Variants in AREL1 observed in about 807,000 individuals in gnomAD.
AREL1 encodes the protein apoptosis-resistant E3 ubiquitin protein ligase 1.
In AREL1, 62 loss-of-function variants were observed where a neutral mutation model predicts 99.0. The ratio of observed to expected loss-of-function variants is 0.63; its 90% CI spans 0.51 to 0.77. The LOEUF is 0.77. Among genes scored for constraint, AREL1 ranks in the 30% least tolerant of loss-of-function variants. AREL1 has a pLI of 0.00. For synonymous variants in AREL1, 380 were observed against 376.5 expected, an observed-to-expected ratio of 1.01 and a Z score of -0.11; for missense variants, 879 against 1,027.6, an observed-to-expected ratio of 0.86 and a Z score of 1.98.
At chr14:74,664,809 C>T in intron 18 of AREL1, 27 bp downstream of exon 18, 1 of 1,601,164 alleles carries the variant, frequency 6.2e-7, no homozygotes, top group Non-Finnish European at 8.5e-7. Context: ...GGCACAAATC[C>T]AACTGAAAGA....
chr14:74,670,377 T>C (rs1347431546), intron 13 of AREL1, among the ~76,000 whole-genome samples: 2 of 152,238 alleles, frequency 1.3e-5, no homozygotes, highest in African/African-American at 2.4e-5. Flanking sequence ...TGTGATGCCT[T>C]TTCCCTAAAC....
In AREL1 at chr14:74,683,348, C is replaced by T; in HGVS notation, c.429G>A (p.Lys143=). Residue 143 remains lysine, a synonymous_variant, in exon 5 of 20, where the codon AAG becomes AAA. Transcript: ENST00000356357. Reference sequence around the variant, plus strand: ...TATATGCCACATTTAATCCACCAAGCTTCACTGTGATTTCATAACGCCCAG... The same window carrying T: ...TATATGCCACATTTAATCCACCAAGTTTCACTGTGATTTCATAACGCCCAG... ...RKAGRYEITV[K]LGGLNVAYSP... The T allele has an allele frequency of 6.2e-7, 1 of 1,614,140 alleles. No homozygotes were observed.
intron 1 of AREL1, among the ~76,000 whole-genome samples, chr14:74,703,764 A>G (rs1283897188): frequency 6.6e-6 from 1 of 152,222 alleles, no homozygotes; most frequent in Non-Finnish European, 1.5e-5. Flanking sequence ...GGTTACATCC[A>G]GTTTGGTGGT....
intron 1 of AREL1, among the ~76,000 whole-genome samples, chr14:74,709,979 T>A (rs1350589911): frequency 6.6e-6 from 1 of 152,230 alleles, no homozygotes. Flanking sequence ...GGTGATTTTT[T>A]CTCTTCAAGA....
intron 1 of AREL1, chr14:74,712,038 C>A (rs1405268574): frequency 7.0e-5 from 2 of 28,706 alleles, no homozygotes; most frequent in African/African-American, 1.4e-4. Flanking sequence ...AGACAAAGTG[C>A]AAAAAAAAAA....
intron 1 of AREL1, among the ~76,000 whole-genome samples, chr14:74,709,719 GA>G (rs35537432): frequency 6.6e-6 from 1 of 151,878 alleles, no homozygotes; most frequent in Admixed American, 6.6e-5. Context: ...TTTGTTGGGA[GA>G]AAAAAAGTCC....
rs767555253 is a variant in AREL1 at position 74,663,810 on chromosome 14, C to T, written c.2382G>A (p.Leu794=). The T allele has an allele frequency of 6.2e-6, 10 of 1,614,184 alleles. No homozygotes were observed. Among genetic ancestry groups the T allele is most frequent in the Non-Finnish European group, 8.5e-6 (10 of 1,180,022 alleles). ...LPTAHTCFNQ[L]CLPTYDSYEE... ...CATAGGAGTCATATGTAGGGAGGCA[C>T]AGCTGGTTAAAACTGGAAGGGCAAG... The change falls in exon 20 of 20, where the codon CTG becomes CTA. Residue 794 remains leucine, a synonymous_variant. Transcript: ENST00000356357.
At chr14:74,668,659 C>CAG (rs2089261398) in intron 15 of AREL1, among the ~76,000 whole-genome samples, 1 of 152,074 alleles carries the variant, frequency 6.6e-6, no homozygotes, top group Non-Finnish European at 1.5e-5. Context: ...TGTACAAAGG[C>CAG]AGACAGCTGG....
At chr14:74,705,414 T>C (rs918103746) in intron 1 of AREL1, among the ~76,000 whole-genome samples, 3 of 152,324 alleles carry the variant, frequency 2.0e-5, no homozygotes, top group African/African-American at 7.2e-5. Flanking sequence ...ATCTAGTAAA[T>C]GGAATGCTTA....
chr14:74,669,992 G>T lies in AREL1; in HGVS notation c.1743C>A (p.Thr581=). ...CTATGATTTGGGCCAGGAAAGAGCG[G>T]GTGAAGCGAGCTCGGACCAACTGCT... ...AYKQLVRARF[T]RSFLAQIIGL... The change falls in exon 14 of 20, where the codon ACC becomes ACA. Residue 581 remains threonine, a synonymous_variant. Coordinates refer to ENST00000356357, the MANE Select transcript of AREL1 (RefSeq NM_001039479.2). 6.2e-7 allele frequency: 1 copy of T among 1,613,850 alleles called. No individual in the cohort carries two copies.
chr14:74,667,923 AC>A (rs1318097704), intron 15 of AREL1, among the ~76,000 whole-genome samples: 1 of 152,240 alleles, frequency 6.6e-6, no homozygotes, highest in African/African-American at 2.4e-5. Flanking sequence ...CCAAAATGAA[AC>A]CACTATTGAC....
rs1270295336 is a variant in AREL1 at position 74,692,297 on chromosome 14, T to C, written c.-302A>G. 2.2e-6 allele frequency: 1 copy of C among 454,186 alleles called. No individual in the cohort carries two copies. Among genetic ancestry groups the C allele is most frequent in the East Asian group, 7.0e-5 (1 of 14,320 alleles). 28.1% of individuals were successfully genotyped at this position (454,186 alleles called of 1,614,324 possible). On this transcript the variant is annotated 5_prime_UTR_variant, in exon 2 of 20. Transcript: ENST00000356357. ...TCCTGGACTTCTCTCTAGTGCAGGG[T>C]GCAATCGACTGCCAAAGGACGCCCC...
chr14:74,713,062 G>C lies in AREL1; in HGVS notation c.-463C>G. 1.3e-6 allele frequency: 2 copies of C among 1,555,344 alleles called. No homozygotes were observed. The highest frequency in any genetic ancestry group is 1.8e-6 in the Non-Finnish European group (2 of 1,127,298). On this transcript the variant is annotated 5_prime_UTR_variant, in exon 1 of 20. Transcript: ENST00000356357. Reference sequence around the variant, plus strand: ...CCAGAGTTGGTCTCCACCCGGCCTGGGAACCGGCTCGGGGGATTGCCCTTT... The same window carrying C: ...CCAGAGTTGGTCTCCACCCGGCCTGCGAACCGGCTCGGGGGATTGCCCTTT...
At chr14:74,683,583 A>G in intron 4 of AREL1, 50 bp from the exon 5 acceptor site, 2 of 1,559,278 alleles carry the variant, frequency 1.3e-6, no homozygotes, top group Non-Finnish European at 1.8e-6. Context: ...GGAAAAAAAC[A>G]TTTCCTGTGT....
rs1463904347 is a variant in AREL1 at position 74,675,805 on chromosome 14, C to G, written c.974G>C (p.Arg325Pro). The change falls in exon 8 of 20, where the codon CGG becomes CCG. Residue 325 changes from arginine to proline, a missense_variant. Transcript: ENST00000356357. ...TTCCTCGTCAACAGCAGTGGATGGC[C>G]GGCGCTGGGAAGAGGTCATGTGCAT... Reference protein sequence around the residue: ...PPMHMTSSQRRPSTAVDEEDE... With the variant: ...PPMHMTSSQRPPSTAVDEEDE... The G allele has an allele frequency of 6.2e-7, 1 of 1,614,062 alleles. No homozygotes were observed. Among genetic ancestry groups the G allele is most frequent in the East Asian group, 2.2e-5 (1 of 44,876 alleles).
At chr14:74,681,805 T>TG (rs141027612) in intron 5 of AREL1, among the ~76,000 whole-genome samples, 33,267 of 147,640 alleles carry the variant, frequency 0.23, 3,889 homozygotes, top group South Asian at 0.32. Flanking sequence ...AGAAACAGGT[T>TG]GGGGGGGATA....
Position 74,664,763 on chromosome 14 carries a change from C to G in AREL1, c.2193+73G>C, listed in dbSNP as rs947506954. The G allele has an allele frequency of 6.5e-6, 9 of 1,392,798 alleles. No individual in the cohort carries two copies. In the African/African-American group the frequency reaches 1.3e-4, roughly 20 times the overall value. The allele number at this position is 1,392,798 out of a possible 1,614,324, so 86.3% of individuals were successfully genotyped here. ...CATGAGCCACTGCGCCCGGCCTCCT[C>G]TACTTTTTTCTTCTGAAACTTTTTC... On this transcript the variant is annotated intron_variant, in intron 18 of 19. Transcript: ENST00000356357.
At chr14:74,695,423 C>T (rs2089965525) in intron 1 of AREL1, among the ~76,000 whole-genome samples, 1 of 152,014 alleles carries the variant, frequency 6.6e-6, no homozygotes, top group Admixed American at 6.6e-5. Context: ...AGGTTTCCAA[C>T]CCTGTGATCA....
chr14:74,682,113 T>G (rs2089643845), intron 5 of AREL1, among the ~76,000 whole-genome samples: 1 of 152,346 alleles, frequency 6.6e-6, no homozygotes, highest in Non-Finnish European at 1.5e-5. Flanking sequence ...ATAATTCATA[T>G]GAAAAGGAGT....
Sources: gnomAD v4.1 joint callset for allele counts (sites outside exome capture counted in the v4.1 genomes callset) on GRCh38, gnomAD v4.1.1 for gene constraint, MANE v1.5 for transcripts, NCBI Gene and HGNC (gene_info 2026-07-23, HGNC 2026-07-21) for gene names.